The following ASNS variants were observed in gnomAD, a reference collection of about 807,000 sequenced individuals.
ASNS encodes the protein asparagine synthetase [glutamine-hydrolyzing].
A neutral mutation model predicts 62.6 loss-of-function variants in ASNS; 37 were observed. The ratio of observed to expected loss-of-function variants is 0.59; its 90% CI spans 0.45 to 0.78. ASNS has a LOEUF of 0.78. ASNS is among the 30% of genes least tolerant of loss of function. ASNS has a pLI of 0.00. For synonymous variants in ASNS, 207 were observed against 237.9 expected (o/e 0.87, Z 1.19); for missense variants, 520 against 682.4 (o/e 0.76, Z 2.65).
At chr7:97,925,235 C>T in the ASNS span, among the ~76,000 whole-genome samples, 6 of 152,200 alleles carry the variant, frequency 3.9e-5, no homozygotes, top group African/African-American at 1.2e-4. Context: ...GAAAGTGTAT[C>T]TCATTTATCT....
chr7:97,922,731 A>G, the ASNS span, among the ~76,000 whole-genome samples: 1 of 152,212 alleles, frequency 6.6e-6, no homozygotes, highest in Admixed American at 6.5e-5. Flanking sequence ...CAACTCCAAA[A>G]AACAAGACAT....
the ASNS span, among the ~76,000 whole-genome samples, chr7:97,914,062 G>T: frequency 7.1e-6 from 1 of 139,970 alleles, no homozygotes; most frequent in South Asian, 2.5e-4. Context: ...GTAGGTGGAT[G>T]ATAGCTGGGT....
At chr7:97,887,110 G>A in the ASNS span, among the ~76,000 whole-genome samples, 1 of 152,184 alleles carries the variant, frequency 6.6e-6, no homozygotes. Flanking sequence ...TGCTTCCTGG[G>A]CTCCTGAAAA....
chr7:97,923,141 T>G, the ASNS span, among the ~76,000 whole-genome samples: 1 of 152,052 alleles, frequency 6.6e-6, no homozygotes, highest in African/African-American at 2.4e-5. Context: ...ATAGATTATT[T>G]CTATAAGTGG....
the ASNS span, among the ~76,000 whole-genome samples, chr7:97,884,157 GT>G: frequency 6.6e-6 from 1 of 152,126 alleles, no homozygotes; most frequent in Admixed American, 6.6e-5. Flanking sequence ...ACACACTAAT[GT>G]GAGACCCTCC....
chr7:97,926,013 C>T, the ASNS span, among the ~76,000 whole-genome samples: 1 of 151,782 alleles, frequency 6.6e-6, no homozygotes, highest in Non-Finnish European at 1.5e-5. Flanking sequence ...GCCTGTGAAA[C>T]TTCTGATATT....
At chr7:97,888,861 C>A in the ASNS span, among the ~76,000 whole-genome samples, 1 of 152,186 alleles carries the variant, frequency 6.6e-6, no homozygotes, top group Admixed American at 6.5e-5. Context: ...GAGATTGACT[C>A]ATCTGCCTCC....
chr7:97,893,422 C>T, the ASNS span, among the ~76,000 whole-genome samples: 2 of 152,224 alleles, frequency 1.3e-5, no homozygotes, highest in African/African-American at 2.4e-5. Flanking sequence ...AAATTACCTA[C>T]CTAAAAGATA....
the ASNS span, among the ~76,000 whole-genome samples, chr7:97,916,959 G>T: frequency 6.6e-6 from 1 of 152,088 alleles, no homozygotes; most frequent in Non-Finnish European, 1.5e-5. Flanking sequence ...GGGCTGAAGT[G>T]TCCTACCCCA....
intron 4 of ASNS, 170 bp downstream of exon 4, chr7:97,864,089 G>C: frequency 1.7e-6 from 1 of 577,530 alleles, no homozygotes; most frequent in East Asian, 2.9e-5. Flanking sequence ...CAGAATTTAA[G>C]TGCTGAAAAG....
At chr7:97,892,813 G>T in the ASNS span, among the ~76,000 whole-genome samples, 1 of 152,060 alleles carries the variant, frequency 6.6e-6, no homozygotes, top group Non-Finnish European at 1.5e-5. Flanking sequence ...CAGCATTTTG[G>T]GCAAGTCTCT....
chr7:97,903,639 T>C, the ASNS span, among the ~76,000 whole-genome samples: 1 of 152,368 alleles, frequency 6.6e-6, no homozygotes, highest in Non-Finnish European at 1.5e-5. Flanking sequence ...ATGGACTTTT[T>C]CTTTACTCAA....
chr7:97,862,459 A>G (rs933780519), intron 4 of ASNS, among the ~76,000 whole-genome samples: 1 of 152,186 alleles, frequency 6.6e-6, no homozygotes, highest in African/African-American at 2.4e-5. Context: ...GTTAGGAGGA[A>G]GAGGACGGGA....
the ASNS span, among the ~76,000 whole-genome samples, chr7:97,904,317 C>CACAG: frequency 0.16 from 23,058 of 146,252 alleles, 2,268 homozygotes; most frequent in Middle Eastern, 0.23. Flanking sequence ...CACACACACA[C>CACAG]AGAGAGAGAG....
Position 97,855,354 on chromosome 7 carries a change from T to C in ASNS, c.1136A>G (p.Lys379Arg). 6.2e-7 allele frequency: 1 copy of C among 1,606,976 alleles called. No homozygotes were observed. The highest frequency in any genetic ancestry group is 8.5e-7 in the Non-Finnish European group (1 of 1,174,524). The stretch of plus-strand genomic sequence containing the variant: ...ATCCCTCCACTTCAGAGTGGTTACC[T>C]TGTGAAAATATATGTAACCCTGCGT... The part of the protein sequence containing the change: ...ELTQGYIYFH[K>R]APSPEKAEEE... Residue 379 changes from lysine (K) to arginine (R), a missense_variant and splice_region_variant, in exon 9 of 13, where the codon AAG becomes AGG. Physicochemically the swap from Lys to Arg is conservative, Grantham distance 26 (BLOSUM62 2). Transcript: ENST00000394308.
chr7:97,916,317 A>G, the ASNS span, among the ~76,000 whole-genome samples: 1 of 152,058 alleles, frequency 6.6e-6, no homozygotes, highest in Non-Finnish European at 1.5e-5. Context: ...GGAGGCAGAG[A>G]CTGCAGTGAA....
chr7:97,853,377 C>T lies in ASNS; in HGVS notation c.1248G>A (p.Leu416=). ...DRTTAAHGLE[L]RVPFLDHRFS... Reference sequence around the variant, plus strand: ...ATCGATGATCTAGAAATGGGACTCTCAGTTCAAGACTTAAAGGAGAAAAGA... The same window carrying T: ...ATCGATGATCTAGAAATGGGACTCTTAGTTCAAGACTTAAAGGAGAAAAGA... Residue 416 remains leucine, a synonymous_variant, in exon 11 of 13, where the codon CTG becomes CTA. Coordinates refer to ENST00000394308, the MANE Select transcript of ASNS (RefSeq NM_001673.5). 1 of 1,611,904 alleles carries T rather than the reference C, an allele frequency of 6.2e-7. No individual in the cohort carries two copies. Among genetic ancestry groups the T allele is most frequent in the Non-Finnish European group, 8.5e-7 (1 of 1,179,582 alleles).
At chr7:97,916,743 T>G in the ASNS span, among the ~76,000 whole-genome samples, 1 of 152,220 alleles carries the variant, frequency 6.6e-6, no homozygotes, top group Admixed American at 6.5e-5. Flanking sequence ...CCATTTCATC[T>G]GCAGTCCCCT....
chr7:97,892,144 C>T, the ASNS span, among the ~76,000 whole-genome samples: 4 of 152,256 alleles, frequency 2.6e-5, no homozygotes, highest in East Asian at 5.8e-4. Context: ...ACAGGCTCAA[C>T]ACTATGTGGA....
Sources: allele counts gnomAD v4.1 joint callset (sites outside exome capture counted in the v4.1 genomes callset), GRCh38; gene constraint gnomAD v4.1.1; transcripts MANE v1.5; gene names NCBI Gene and HGNC (gene_info 2026-07-23, HGNC 2026-07-21).